The following ZNF407 variants were observed in gnomAD, a reference collection of about 807,000 sequenced individuals.
The protein encoded by ZNF407 is zinc finger protein 407.
Under a neutral mutation model 131.2 loss-of-function variants are expected in ZNF407, and 17 were observed. That is an observed-to-expected ratio of 0.13 (90% confidence interval 0.09 to 0.19). The LOEUF (loss-of-function observed/expected upper bound fraction) is 0.19. Ranked by LOEUF, ZNF407 falls within the 10% of genes least tolerant of loss-of-function variation. The pLI is 1.00. For missense variants in ZNF407, 2,681 were observed against 2,830.6 expected (o/e 0.95, Z 1.20); for synonymous variants, 1,156 against 1,062.0 (o/e 1.09, Z -1.72).
chr18:74,939,534 A>G (rs1226934523), intron 8 of ZNF407, among the ~76,000 whole-genome samples: 1 of 152,228 alleles, frequency 6.6e-6, no homozygotes, highest in Non-Finnish European at 1.5e-5. Context: ...GCAATTTAAA[A>G]TGCAGATTAC....
chr18:74,913,994 C>A (rs1971711032), intron 7 of ZNF407, among the ~76,000 whole-genome samples: 1 of 152,192 alleles, frequency 6.6e-6, no homozygotes, highest in Non-Finnish European at 1.5e-5. Flanking sequence ...TAATCAGTCA[C>A]CCCGTGCTTT....
At chr18:74,685,238 TATC>T (rs1967069799) in intron 3 of ZNF407, among the ~76,000 whole-genome samples, 1 of 152,182 alleles carries the variant, frequency 6.6e-6, no homozygotes, top group Non-Finnish European at 1.5e-5. Flanking sequence ...TGCCTTCTGT[TATC>T]ATGGCTTTAG....
chr18:74,836,144 A>G (rs867006349), intron 4 of ZNF407, among the ~76,000 whole-genome samples: 22 of 152,172 alleles, frequency 1.4e-4, no homozygotes, highest in African/African-American at 5.3e-4. Context: ...AAACTTAAAG[A>G]AAATATTTAG....
intron 8 of ZNF407, among the ~76,000 whole-genome samples, chr18:74,941,813 A>G (rs1382321816): frequency 1.3e-5 from 2 of 152,224 alleles, no homozygotes; most frequent in African/African-American, 4.8e-5. Context: ...AACAACGGTG[A>G]TGATGTTATT....
chr18:74,787,132 T>C (rs576712997), intron 4 of ZNF407, among the ~76,000 whole-genome samples: 1 of 152,234 alleles, frequency 6.6e-6, no homozygotes, highest in African/African-American at 2.4e-5. Context: ...AATAGTGCGA[T>C]AGTCCTGCTA....
At chr18:75,061,299 C>T (rs1056978064) in intron 8 of ZNF407, 2 of 152,146 alleles carry the variant, frequency 1.3e-5, no homozygotes, top group African/African-American at 2.4e-5. Context: ...GGTCACCTAT[C>T]GATCATTCTC....
At position 74,872,653 on chromosome 18, in the gene ZNF407, A is replaced by C. The variant is rs529173494; in HGVS notation, c.4878-4544A>C. ...GTGCTTCTAGTCCCAGCTACTTGGG[A>C]GGCTGAAGCAGGGGAATCGCTTGAA... On this transcript the variant is annotated intron_variant, in intron 4 of 8. Coordinates refer to ENST00000299687, the MANE Select transcript of ZNF407 (RefSeq NM_017757.3). Among the ~76,000 whole-genome samples the C allele has an allele frequency of 1.8e-4, 27 of 150,980 alleles. No homozygotes were observed. In the East Asian group the frequency reaches 2.0e-3, roughly 11 times the overall value.
intron 8 of ZNF407, among the ~76,000 whole-genome samples, chr18:75,044,533 T>C (rs1973410505): frequency 6.6e-6 from 1 of 152,130 alleles, no homozygotes; most frequent in Non-Finnish European, 1.5e-5. Context: ...TTATGTCTTA[T>C]TCCTCCAGTA....
At chr18:74,969,761 G>T (rs974660756) in intron 8 of ZNF407, among the ~76,000 whole-genome samples, 2 of 152,180 alleles carry the variant, frequency 1.3e-5, no homozygotes, top group Non-Finnish European at 2.9e-5. Context: ...GGACCTTGGG[G>T]TAGGAGTATA....
intron 1 of ZNF407, among the ~76,000 whole-genome samples, chr18:74,613,422 C>G (rs1375306686): frequency 6.6e-6 from 1 of 152,212 alleles, no homozygotes; most frequent in South Asian, 2.1e-4. Flanking sequence ...TCCTGTGAAG[C>G]CAAACAGCAC....
intron 3 of ZNF407, among the ~76,000 whole-genome samples, chr18:74,658,642 A>G (rs1373798550): frequency 6.6e-6 from 1 of 152,162 alleles, no homozygotes; most frequent in African/African-American, 2.4e-5. Context: ...ATAACCATAA[A>G]ATAATTCTTT....
At chr18:74,876,740 C>A (rs1026790307) in intron 4 of ZNF407, among the ~76,000 whole-genome samples, 1 of 152,206 alleles carries the variant, frequency 6.6e-6, no homozygotes, top group East Asian at 1.9e-4. Flanking sequence ...CCTTTTCTTC[C>A]CTGCAGCGTA....
At chr18:74,654,599 G>T (rs1985368142) in intron 3 of ZNF407, among the ~76,000 whole-genome samples, 2 of 151,604 alleles carry the variant, frequency 1.3e-5, no homozygotes, top group African/African-American at 4.8e-5. Context: ...AAGAGACCAA[G>T]AAATTTTCTT....
chr18:74,627,208 A>G (rs773326623), intron 1 of ZNF407, among the ~76,000 whole-genome samples: 2 of 152,168 alleles, frequency 1.3e-5, no homozygotes, highest in African/African-American at 2.4e-5. Context: ...GATCTTGACC[A>G]GAAGCAGCTG....
chr18:74,755,861 C>CTTCCTCTT (rs1486700140), intron 3 of ZNF407, among the ~76,000 whole-genome samples: 2 of 114,712 alleles, frequency 1.7e-5, no homozygotes, highest in African/African-American at 8.1e-5. Context: ...CCCTTCCTCC[C>CTTCCTCTT]TTCCTTCCTT....
At chr18:74,673,515 T>A (rs1986234738) in intron 3 of ZNF407, among the ~76,000 whole-genome samples, 1 of 152,230 alleles carries the variant, frequency 6.6e-6, no homozygotes, top group South Asian at 2.1e-4. Context: ...AGCAAGATCC[T>A]TAATTTAATC....
At position 75,012,391 on chromosome 18, in the gene ZNF407, TGTACACATAGTGTAC is replaced by T. The variant is rs1319390019; in HGVS notation, c.5429-50744_5429-50730del. ...ACATAGTGTATGTACACATAGTGTA[TGTACACATAGTGTAC>T]GTACACATAGTGTATAGCAGGCTCT... On this transcript the variant is annotated intron_variant, in intron 8 of 8. Coordinates refer to ENST00000299687, the MANE Select transcript of ZNF407 (RefSeq NM_017757.3). 8.8e-3 allele frequency among the ~76,000 whole-genome samples: 480 copies of T among 54,494 alleles called. 24 individuals carry two copies. The highest frequency in any genetic ancestry group is 0.019 in the African/African-American group (286 of 15,276). The allele number at this position is 54,494 out of a possible 152,430, so 35.8% of individuals were successfully genotyped here. A position where few individuals can be genotyped will look rare whatever the true frequency, so the allele number is the denominator to read the frequency against.
intron 1 of ZNF407, among the ~76,000 whole-genome samples, chr18:74,630,431 A>G (rs1241873055): frequency 6.6e-6 from 1 of 152,150 alleles, no homozygotes; most frequent in Non-Finnish European, 1.5e-5. Flanking sequence ...TCGGCCTCCC[A>G]AAATCCTGGC....
At chr18:74,814,525 T>G (rs192160523) in intron 4 of ZNF407, among the ~76,000 whole-genome samples, 5 of 152,328 alleles carry the variant, frequency 3.3e-5, no homozygotes, top group Non-Finnish European at 5.9e-5. Flanking sequence ...GAATATAAGT[T>G]TCCCAGTAAA....
Sources: gnomAD v4.1 joint callset for allele counts (sites outside exome capture counted in the v4.1 genomes callset) on GRCh38, gnomAD v4.1.1 for gene constraint, MANE v1.5 for transcripts, NCBI Gene and HGNC (gene_info 2026-07-23, HGNC 2026-07-21) for gene names.